RPRD1A: variants seen among roughly 807,000 people sequenced by gnomAD.
RPRD1A encodes regulation of nuclear pre-mRNA domain-containing protein 1A.
A neutral mutation model predicts 37.8 loss-of-function variants in RPRD1A; 9 were observed. The ratio of observed to expected loss-of-function variants is 0.24; its 90% CI spans 0.14 to 0.42. The LOEUF is 0.42. RPRD1A is among the 10% of genes least tolerant of loss of function. RPRD1A has a pLI of 1.00. For missense variants in RPRD1A, 255 were observed against 371.0 expected (o/e 0.69, Z 2.57); for synonymous variants, 138 against 139.7 (o/e 0.99, Z 0.08).
intron 6 of RPRD1A, among the ~76,000 whole-genome samples, chr18:36,022,146 G>A (rs372148513): frequency 2.0e-5 from 3 of 152,152 alleles, no homozygotes; most frequent in African/African-American, 4.8e-5. Flanking sequence ...TCCACAGCAA[G>A]GCCCAAACGC....
chr18:36,021,802 C>T (rs28549847), intron 6 of RPRD1A, among the ~76,000 whole-genome samples: 105 of 152,238 alleles, frequency 6.9e-4, no homozygotes, highest in African/African-American at 2.2e-3. Context: ...AAGGTCAAGA[C>T]CAGCTTGGGC....
At chr18:36,045,481 T>C (rs1377166298) in intron 1 of RPRD1A, among the ~76,000 whole-genome samples, 1 of 152,180 alleles carries the variant, frequency 6.6e-6, no homozygotes, top group African/African-American at 2.4e-5. Context: ...AAAGGACTCA[T>C]GAATTTGCAT....
intron 1 of RPRD1A, among the ~76,000 whole-genome samples, chr18:36,060,839 A>G (rs997091615): frequency 3.3e-5 from 5 of 152,172 alleles, no homozygotes; most frequent in African/African-American, 1.2e-4. Flanking sequence ...CCAACCCTAG[A>G]AAAAATAAGC....
At chr18:36,064,663 T>G (rs1381689379) in intron 1 of RPRD1A, among the ~76,000 whole-genome samples, 2 of 151,826 alleles carry the variant, frequency 1.3e-5, no homozygotes, top group African/African-American at 4.8e-5. Context: ...ACCAATCAGC[T>G]CTCTGTAAAA....
chr18:36,034,281 C>G (rs1404553892), intron 1 of RPRD1A, among the ~76,000 whole-genome samples: 3 of 152,162 alleles, frequency 2.0e-5, no homozygotes. Flanking sequence ...CAATCAATTA[C>G]TATTTTTTGT....
chr18:36,063,529 A>G (rs1400908858), intron 1 of RPRD1A, among the ~76,000 whole-genome samples: 1 of 152,226 alleles, frequency 6.6e-6, no homozygotes, highest in Middle Eastern at 3.2e-3. Context: ...ACACACTTTG[A>G]GAAACTAAAG....
intron 1 of RPRD1A, among the ~76,000 whole-genome samples, chr18:36,041,101 C>T (rs1598645413): frequency 6.6e-6 from 1 of 152,138 alleles, no homozygotes; most frequent in African/African-American, 2.4e-5. Context: ...TATACTAGAA[C>T]AATTAATCAA....
chr18:36,029,255 T>C (rs1341046586), intron 4 of RPRD1A, among the ~76,000 whole-genome samples: 2 of 152,182 alleles, frequency 1.3e-5, no homozygotes, highest in South Asian at 2.1e-4. Flanking sequence ...CAGGTAGTAA[T>C]TGATTGTATT....
At chr18:36,062,732 A>C (rs1020691554) in intron 1 of RPRD1A, among the ~76,000 whole-genome samples, 2 of 152,200 alleles carry the variant, frequency 1.3e-5, no homozygotes, top group African/African-American at 2.4e-5. Flanking sequence ...TGAAATGGTA[A>C]AAATAGTCCA....
chr18:36,059,740 C>T (rs188968693), intron 1 of RPRD1A, among the ~76,000 whole-genome samples: 1 of 152,252 alleles, frequency 6.6e-6, no homozygotes, highest in African/African-American at 2.4e-5. Flanking sequence ...TGTAAAGGAA[C>T]TTTATTTACA....
intron 1 of RPRD1A, among the ~76,000 whole-genome samples, chr18:36,060,941 C>A (rs1426055527): frequency 2.0e-5 from 3 of 151,450 alleles, no homozygotes; most frequent in Non-Finnish European, 2.9e-5. Context: ...GCAGCCTCGG[C>A]AACATAGTGA....
At chr18:36,001,069 G>C (rs1181628394) in intron 6 of RPRD1A, among the ~76,000 whole-genome samples, 1 of 152,176 alleles carries the variant, frequency 6.6e-6, no homozygotes, top group African/African-American at 2.4e-5. Flanking sequence ...TAGTGAAGCA[G>C]AGTTGTCATT....
chr18:36,002,428 T>C lies in RPRD1A; in HGVS notation c.790-9128A>G, dbSNP rs180980079. 7.2e-5 allele frequency among the ~76,000 whole-genome samples: 11 copies of C among 152,258 alleles called. No homozygotes were observed. The South Asian group carries it at 1.2e-3, about 17-fold the overall frequency. On this transcript the variant is annotated intron_variant, in intron 6 of 6. Coordinates refer to ENST00000399022, the MANE Select transcript of RPRD1A (RefSeq NM_018170.5). Reference sequence around the variant, plus strand: ...CCCATCAAACACATTCTTATTATTTTTTTTACAGTCTCACTCTGTCACCCA... The same window carrying C: ...CCCATCAAACACATTCTTATTATTTCTTTTACAGTCTCACTCTGTCACCCA...
At chr18:36,042,784 T>G (rs558343755) in intron 1 of RPRD1A, among the ~76,000 whole-genome samples, 1 of 152,108 alleles carries the variant, frequency 6.6e-6, no homozygotes, top group African/African-American at 2.4e-5. Context: ...CCAACTAAAA[T>G]TGACAAAAGT....
At chr18:36,064,221 C>T (rs1412203293) in intron 1 of RPRD1A, 1 of 152,538 alleles carries the variant, frequency 6.6e-6, no homozygotes, top group African/African-American at 2.4e-5. Flanking sequence ...CCGGAGCCGG[C>T]TCCATCTGCT....
In RPRD1A at chr18:36,031,997, G is replaced by A. The variant is rs374458147; in HGVS notation, c.282-900C>T. On this transcript the variant is annotated intron_variant, in intron 2 of 6. Transcript: ENST00000399022. ...AGCATATAAGCTATCTCATTTTTTC[G>A]GCCACATATTCTCTCTACCTAGAAT... is the stretch of plus-strand genomic sequence containing the variant. Among the ~76,000 whole-genome samples, 39 of 152,020 alleles carry A rather than the reference G, an allele frequency of 2.6e-4. No homozygotes were observed. In the South Asian group the frequency reaches 6.9e-3, roughly 27 times the overall value.
At chr18:36,049,832 T>G (rs1184647720) in intron 1 of RPRD1A, among the ~76,000 whole-genome samples, 1 of 152,222 alleles carries the variant, frequency 6.6e-6, no homozygotes, top group African/African-American at 2.4e-5. Flanking sequence ...TAGGAGTTTA[T>G]ACTCAGGTGG....
At chr18:36,040,856 C>T in intron 1 of RPRD1A, 1 of 1,518,722 alleles carries the variant, frequency 6.6e-7, no homozygotes, top group Middle Eastern at 1.7e-4. Context: ...TCATTTGTTG[C>T]ACCTCCACTC....
In RPRD1A at chr18:36,027,020, C is replaced by A; in HGVS notation, c.669G>T (p.Leu223=). 1 of 1,613,968 alleles carries A rather than the reference C, an allele frequency of 6.2e-7. No homozygotes were observed. Among genetic ancestry groups the A allele is most frequent in the Non-Finnish European group, 8.5e-7 (1 of 1,179,906 alleles). ...SKMVEDACML[L]ADYNGRLAAE... is the part of the protein sequence containing the mutation. ...CCGCCAATCTGCCATTGTAATCTGC[C>A]AGCAACATACACGCATCCTCTACCA... Residue 223 remains leucine, a synonymous_variant, in exon 6 of 7, where the codon CTG becomes CTT. Coordinates refer to ENST00000399022, the MANE Select transcript of RPRD1A (RefSeq NM_018170.5).
Sources: allele counts gnomAD v4.1 joint callset (sites outside exome capture counted in the v4.1 genomes callset), GRCh38; gene constraint gnomAD v4.1.1; transcripts MANE v1.5; gene names NCBI Gene and HGNC (gene_info 2026-07-23, HGNC 2026-07-21).